The following CHAT variants were observed in gnomAD, a reference collection of about 807,000 sequenced individuals.
The protein encoded by CHAT is choline O-acetyltransferase, also known as acetyl CoA:choline O-acetyltransferase.
In CHAT, 61 loss-of-function variants were observed where a neutral mutation model predicts 76.9. That is an observed-to-expected ratio of 0.79 (90% CI 0.65 to 0.98). The LOEUF is 0.98. CHAT is among the 50% of genes least tolerant of loss of function. The pLI, the probability that CHAT is intolerant of heterozygous loss-of-function variation, is 0.00. For missense variants in CHAT, 946 were observed against 986.9 expected (o/e 0.96, Z 0.56); for synonymous variants, 407 against 397.4 (o/e 1.02, Z -0.29).
chr10:49,625,567 C>T lies in CHAT; in HGVS notation c.847C>T (p.Pro283Ser). The T allele has an allele frequency of 1.9e-6, 3 of 1,612,530 alleles. No individual in the cohort carries two copies. The highest frequency in any genetic ancestry group is 2.5e-6 in the Non-Finnish European group (3 of 1,179,440). The change falls in exon 6 of 15, where the codon CCC becomes TCC. Residue 283 changes from proline (P) to serine (S), a missense_variant. Physicochemically the swap from Pro to Ser is moderately conservative, Grantham distance 74 (BLOSUM62 -1). Transcript: ENST00000337653. ...YYGLFSSYRL[P>S]GHTQDTLVAQ... Reference sequence around the variant, plus strand: ...TGGGCTCTTCTCCTCCTACCGGCTCCCCGGCCATACCCAGGACACGCTGGT... The same window carrying T: ...TGGGCTCTTCTCCTCCTACCGGCTCTCCGGCCATACCCAGGACACGCTGGT...
At chr10:49,661,816 G>A (rs944848248) in intron 13 of CHAT, among the ~76,000 whole-genome samples, 4 of 152,174 alleles carry the variant, frequency 2.6e-5, no homozygotes, top group African/African-American at 9.7e-5. Flanking sequence ...TGGGGGAGCT[G>A]TAGAATGAGT....
intron 5 of CHAT, among the ~76,000 whole-genome samples, chr10:49,624,207 T>C (rs1410099597): frequency 6.6e-6 from 1 of 152,218 alleles, no homozygotes; most frequent in Admixed American, 6.5e-5. Context: ...GAAGAACCAA[T>C]ATATTTTCTT....
intron 1 of CHAT, chr10:49,615,946 C>T (rs1838475019): frequency 1.6e-6 from 2 of 1,287,588 alleles, no homozygotes; most frequent in Admixed American, 1.7e-5. Flanking sequence ...CCAATTAGCC[C>T]AGATGCATCC....
chr10:49,646,456 C>A, intron 7 of CHAT, 49 bp from the exon 8 acceptor site: 1 of 1,610,128 alleles, frequency 6.2e-7, no homozygotes, highest in Non-Finnish European at 8.5e-7. Context: ...GGAGGGAAGA[C>A]TGGCCTGGAG....
intron 5 of CHAT, among the ~76,000 whole-genome samples, chr10:49,623,367 C>T (rs779787939): frequency 6.6e-5 from 10 of 152,126 alleles, no homozygotes; most frequent in Non-Finnish European, 1.2e-4. Flanking sequence ...CGTGGAGGTT[C>T]CCATGTCCAA....
At chr10:49,627,545 G>A in intron 6 of CHAT, 63 bp from the exon 7 acceptor site, 1 of 1,538,706 alleles carries the variant, frequency 6.5e-7, no homozygotes, top group Admixed American at 1.7e-5. Flanking sequence ...TGTGAAGGCT[G>A]AGTGAAGGCC....
chr10:49,648,316 G>A (rs1381618489), intron 8 of CHAT, among the ~76,000 whole-genome samples, 191 bp from the exon 9 acceptor site: 1 of 152,168 alleles, frequency 6.6e-6, no homozygotes, highest in Non-Finnish European at 1.5e-5. Flanking sequence ...GGTCGTGAGT[G>A]CAGAGTAGTC....
chr10:49,624,969 T>G (rs1461979564), intron 5 of CHAT, among the ~76,000 whole-genome samples: 2 of 150,310 alleles, frequency 1.3e-5, no homozygotes, highest in Non-Finnish European at 3.0e-5. Flanking sequence ...TATGGATGGA[T>G]GATGGATAGA....
chr10:49,622,950 C>G (rs900772551), intron 5 of CHAT, among the ~76,000 whole-genome samples: 2 of 152,178 alleles, frequency 1.3e-5, no homozygotes, highest in Non-Finnish European at 2.9e-5. Flanking sequence ...AGGCTCAGAC[C>G]CACAGCCCCT....
intron 9 of CHAT, 144 bp from the exon 10 acceptor site, chr10:49,649,364 A>C: frequency 8.9e-7 from 1 of 1,126,126 alleles, no homozygotes; most frequent in Non-Finnish European, 1.3e-6. Flanking sequence ...ATTCATCTGC[A>C]CGGTGGTTCA....
rs563585126 is a variant in CHAT at position 49,614,087 on chromosome 10, C to T, written c.-103C>T. On this transcript the variant is annotated 5_prime_UTR_variant, in exon 1 of 15. Coordinates refer to ENST00000337653, the MANE Select transcript of CHAT (RefSeq NM_020549.5). ...ATGGGCGGGACAGTGTTCTGTGCCC[C>T]CTTCTAGAGCCTAAATTTGTTGCCC... The T allele has an allele frequency of 6.5e-7, 1 of 1,541,818 alleles. No homozygotes were observed.
chr10:49,623,604 C>T (rs1838807158), intron 5 of CHAT, among the ~76,000 whole-genome samples: 2 of 152,228 alleles, frequency 1.3e-5, no homozygotes, highest in African/African-American at 2.4e-5. Context: ...GTCCCACACT[C>T]GCTCATCCAA....
intron 11 of CHAT, among the ~76,000 whole-genome samples, chr10:49,654,505 C>T (rs955315179): frequency 6.6e-6 from 1 of 152,250 alleles, no homozygotes; most frequent in Non-Finnish European, 1.5e-5. Flanking sequence ...TGCATAAGGA[C>T]AGAGGAGTCC....
chr10:49,654,985 A>C, intron 11 of CHAT, 110 bp from the exon 12 acceptor site: 1 of 1,133,976 alleles, frequency 8.8e-7, no homozygotes, highest in Non-Finnish European at 1.3e-6. Context: ...TATTCTGCCA[A>C]GTCAAGTCAG....
chr10:49,614,433 T>G lies in CHAT; in HGVS notation c.244T>G (p.Cys82Gly), dbSNP rs1330484583. 43 of 1,547,646 alleles carry G rather than the reference T, an allele frequency of 2.8e-5. No homozygotes were observed. Among genetic ancestry groups the G allele is most frequent in the Non-Finnish European group, 3.6e-5 (41 of 1,146,800 alleles). Residue 82 changes from cysteine to glycine, a missense_variant, in exon 1 of 15, where the codon TGC becomes GGC. Transcript: ENST00000337653. ...AHTPAHTPEW[C>G]GAASAEAAEP... ...CACCCCCGCCCACACTCCTGAGTGG[T>G]GCGGTGCAGCGTCGGCCGAGGCAGC...
chr10:49,620,384 T>A, intron 3 of CHAT, 111 bp from the exon 4 acceptor site: 1 of 810,414 alleles, frequency 1.2e-6, no homozygotes. Context: ...TAGCATATAT[T>A]TGTGGAATGA....
chr10:49,637,204 G>T (rs1289982486), intron 7 of CHAT, among the ~76,000 whole-genome samples: 3 of 150,792 alleles, frequency 2.0e-5, no homozygotes, highest in African/African-American at 7.3e-5. Context: ...CTTTTTCTAG[G>T]TTCTTCAGGT....
At chr10:49,609,565 G>T (rs376984848), upstream of CHAT, among the ~76,000 whole-genome samples, 14 of 152,144 alleles carry the variant, frequency 9.2e-5, 1 homozygote, top group East Asian at 9.7e-4. Flanking sequence ...GCGGGAGGGC[G>T]GCAGCGGCCA....
chr10:49,652,817 G>T (rs1321710900), intron 11 of CHAT, among the ~76,000 whole-genome samples: 1 of 150,318 alleles, frequency 6.7e-6, no homozygotes, highest in East Asian at 2.0e-4. Flanking sequence ...TGCCCTGGCT[G>T]TGCCTCTGCC....
Sources: allele counts gnomAD v4.1 joint callset (sites outside exome capture counted in the v4.1 genomes callset), GRCh38; gene constraint gnomAD v4.1.1; transcripts MANE v1.5; gene names NCBI Gene and HGNC (gene_info 2026-07-23, HGNC 2026-07-21).